ERBB4: variants seen among roughly 807,000 people sequenced by gnomAD.
ERBB4 encodes the protein erb-b2 receptor tyrosine kinase 4.
Under a neutral mutation model 158.0 loss-of-function variants are expected in ERBB4, and 42 were observed. That is an observed-to-expected ratio of 0.27 (90% confidence interval 0.21 to 0.34). The LOEUF (loss-of-function observed/expected upper bound fraction) is 0.34, where lower values mean the gene tolerates loss of function less well. ERBB4 is among the 10% of genes least tolerant of loss of function. The pLI is 1.00. For synonymous variants in ERBB4, 583 were observed against 558.7 expected, an observed-to-expected ratio of 1.04 and a Z score of -0.61; for missense variants, 1,333 against 1,624.1, an observed-to-expected ratio of 0.82 and a Z score of 3.08.
intron 18 of ERBB4, among the ~76,000 whole-genome samples, chr2:211,622,993 ATATATATATATATATATATATATAT>A (rs2069681012): frequency 2.7e-4 from 2 of 7,428 alleles, no homozygotes; most frequent in African/African-American, 1.0e-3. Context: ...AAAAAAAAAT[ATATATATATATATATATATATATAT>A]ATATATATAT....
intron 3 of ERBB4, among the ~76,000 whole-genome samples, chr2:211,882,746 G>A (rs1446195884): frequency 6.6e-6 from 1 of 152,186 alleles, no homozygotes; most frequent in Non-Finnish European, 1.5e-5. Context: ...ATAGCCACCT[G>A]GCTCCAGGTC....
At chr2:212,495,870 T>C (rs1690538048) in intron 1 of ERBB4, among the ~76,000 whole-genome samples, 1 of 152,208 alleles carries the variant, frequency 6.6e-6, no homozygotes, top group Non-Finnish European at 1.5e-5. Context: ...TGGTGCTTAA[T>C]AATTTATACA....
intron 19 of ERBB4, among the ~76,000 whole-genome samples, chr2:211,566,323 T>A (rs1284586094): frequency 1.3e-5 from 2 of 152,168 alleles, no homozygotes; most frequent in Non-Finnish European, 2.9e-5. Context: ...GAACGATCAC[T>A]GTACAGGGAG....
intron 1 of ERBB4, among the ~76,000 whole-genome samples, chr2:212,395,702 C>A (rs2091005549): frequency 6.7e-6 from 1 of 149,758 alleles, no homozygotes; most frequent in Non-Finnish European, 1.5e-5. Flanking sequence ...TCACTGCAAC[C>A]TCTGCCTCCC....
chr2:211,663,724 A>G (rs2105914670), intron 15 of ERBB4, among the ~76,000 whole-genome samples: 1 of 152,314 alleles, frequency 6.6e-6, no homozygotes, highest in East Asian at 1.9e-4. Context: ...TTGCAAAAAC[A>G]GCAAAAGGTC....
chr2:212,381,028 A>G (rs993266959), intron 1 of ERBB4, among the ~76,000 whole-genome samples: 1 of 151,418 alleles, frequency 6.6e-6, no homozygotes, highest in East Asian at 1.9e-4. Context: ...TCCATAATTT[A>G]GAAAACAATA....
chr2:212,265,663 T>C (rs2085108203), intron 1 of ERBB4, among the ~76,000 whole-genome samples: 1 of 152,048 alleles, frequency 6.6e-6, no homozygotes, highest in South Asian at 2.1e-4. Context: ...CTTATTAATG[T>C]AACTTAAAAG....
intron 19 of ERBB4, among the ~76,000 whole-genome samples, chr2:211,616,447 T>C (rs2069395528): frequency 1.3e-5 from 2 of 152,172 alleles, no homozygotes; most frequent in Non-Finnish European, 2.9e-5. Context: ...TTATTACTTT[T>C]AACCAAGTAA....
At chr2:211,560,532 C>T (rs183089043) in intron 20 of ERBB4, among the ~76,000 whole-genome samples, 10 of 151,850 alleles carry the variant, frequency 6.6e-5, no homozygotes, top group African/African-American at 2.2e-4. Context: ...CCTCGGCCCC[C>T]CAAAGTGCTG....
intron 20 of ERBB4, among the ~76,000 whole-genome samples, chr2:211,474,303 T>A (rs1013211067): frequency 6.6e-6 from 1 of 152,000 alleles, no homozygotes; most frequent in African/African-American, 2.4e-5. Flanking sequence ...ATACCTATGT[T>A]CTAAACATTT....
At chr2:212,161,224 C>T (rs1379700416) in intron 1 of ERBB4, among the ~76,000 whole-genome samples, 1 of 151,932 alleles carries the variant, frequency 6.6e-6, no homozygotes, top group Non-Finnish European at 1.5e-5. Flanking sequence ...CTCTTTCACT[C>T]ATCTATCCTC....
rs529489956 is a variant in ERBB4, at chr2:211,723,650, T to A, written c.742-1116A>T. On this transcript the variant is annotated intron_variant, in intron 6 of 27. Transcript: ENST00000342788. Reference sequence around the variant, plus strand: ...CTAAGATGACACATTCTAGGAAGAATCTATTAAGAACCAATCTAGAAAACT... The same window carrying A: ...CTAAGATGACACATTCTAGGAAGAAACTATTAAGAACCAATCTAGAAAACT... 2.5e-4 allele frequency among the ~76,000 whole-genome samples: 38 copies of A among 152,216 alleles called. 1 individual carries two copies. In the South Asian group the frequency reaches 7.9e-3, roughly 32 times the overall value.
chr2:212,099,524 C>G (rs909070637), intron 2 of ERBB4, among the ~76,000 whole-genome samples: 1 of 152,102 alleles, frequency 6.6e-6, no homozygotes, highest in Admixed American at 6.5e-5. Flanking sequence ...ACTTTGATGG[C>G]CTTAATAGCA....
At chr2:211,467,485 C>T (rs913541970) in intron 20 of ERBB4, among the ~76,000 whole-genome samples, 2 of 152,140 alleles carry the variant, frequency 1.3e-5, no homozygotes, top group East Asian at 1.9e-4. Context: ...GTAAGCTGTG[C>T]CTGCTTGTCT....
intron 1 of ERBB4, among the ~76,000 whole-genome samples, chr2:212,141,008 T>A (rs1291283317): frequency 6.6e-6 from 1 of 151,746 alleles, no homozygotes; most frequent in Admixed American, 6.6e-5. Context: ...ATTATTTATC[T>A]CTTCTGATCT....
In ERBB4 at chr2:211,906,073, C is replaced by T. The variant is rs1377903835; in HGVS notation, c.421+41357G>A. On this transcript the variant is annotated intron_variant, in intron 3 of 27. Coordinates refer to ENST00000342788, the MANE Select transcript of ERBB4 (RefSeq NM_005235.3). ...TACTCAACCCAGAGAGAGATACATT[C>T]GAGAAGTGTCACAATCTGAAAAGCA... Among the ~76,000 whole-genome samples, 5 of 152,048 alleles carry T rather than the reference C, an allele frequency of 3.3e-5. No individual in the cohort carries two copies. The East Asian group carries it at 7.7e-4, about 24-fold the overall frequency.
chr2:211,561,667 T>C (rs1190168883), intron 20 of ERBB4: 2 of 513,460 alleles, frequency 3.9e-6, no homozygotes, highest in African/African-American at 3.8e-5. Flanking sequence ...AGCTATTTGT[T>C]TTGGCACCTA....
At chr2:212,181,286 A>G (rs910631555) in intron 1 of ERBB4, among the ~76,000 whole-genome samples, 3 of 151,698 alleles carry the variant, frequency 2.0e-5, no homozygotes, top group Non-Finnish European at 4.4e-5. Context: ...TCAAATAGCC[A>G]TCACAGAGAT....
intron 2 of ERBB4, among the ~76,000 whole-genome samples, chr2:212,082,511 A>G (rs2078477518): frequency 6.6e-6 from 1 of 152,060 alleles, no homozygotes; most frequent in Admixed American, 6.6e-5. Flanking sequence ...ATATGTGGGT[A>G]TTAGAACAGG....
Sources: gnomAD v4.1 joint callset for allele counts (sites outside exome capture counted in the v4.1 genomes callset) on GRCh38, gnomAD v4.1.1 for gene constraint, MANE v1.5 for transcripts, NCBI Gene and HGNC (gene_info 2026-07-23, HGNC 2026-07-21) for gene names.